Variants in GPR89B observed in about 807,000 individuals in gnomAD.
The protein encoded by GPR89B is golgi pH regulator B.
Under a neutral mutation model 52.4 loss-of-function variants are expected in GPR89B, and 25 were observed. The ratio of observed to expected loss-of-function variants is 0.48; its 90% CI spans 0.35 to 0.67. The LOEUF (loss-of-function observed/expected upper bound fraction) is 0.67. Among genes scored for constraint, GPR89B ranks in the 30% least tolerant of loss-of-function variants. The pLI is 0.01. For synonymous variants in GPR89B, 52 were observed against 151.2 expected (o/e 0.34, Z 4.81); for missense variants, 146 against 450.2 (o/e 0.32, Z 6.11).
intron 7 of GPR89B, among the ~76,000 whole-genome samples, chr1:147,966,322 A>G (rs1231567246): frequency 3.3e-5 from 5 of 151,500 alleles, no homozygotes; most frequent in Admixed American, 2.6e-4. Context: ...TAGCAGAGCC[A>G]GTCCTCAAAT....
chr1:147,999,403 T>A, the GPR89B span, among the ~76,000 whole-genome samples: 1 of 148,460 alleles, frequency 6.7e-6, no homozygotes. Flanking sequence ...GGTCAGGAGA[T>A]CGAGACCATC....
chr1:148,008,655 G>A, the GPR89B span, among the ~76,000 whole-genome samples: 1 of 152,172 alleles, frequency 6.6e-6, no homozygotes, highest in African/African-American at 2.4e-5. Context: ...ACTGAACACA[G>A]GTTAGTCTGC....
At chr1:147,944,188 A>G (rs1553249428) in intron 5 of GPR89B, 90 bp downstream of exon 5, 1 of 1,440,944 alleles carries the variant, frequency 6.9e-7, no homozygotes. Context: ...TTTCTTGGGG[A>G]AAAAATGTAT....
downstream of GPR89B, among the ~76,000 whole-genome samples, chr1:147,998,175 C>T (rs1659361117): frequency 6.8e-6 from 1 of 146,258 alleles, no homozygotes; most frequent in South Asian, 2.4e-4. Flanking sequence ...AATGGCTGCC[C>T]ACACGTGTCC....
intron 10 of GPR89B, among the ~76,000 whole-genome samples, chr1:147,980,085 CA>C (rs1359509482): frequency 2.0e-3 from 225 of 114,094 alleles, no homozygotes; most frequent in Admixed American, 4.5e-3. Context: ...GACTCTGTCT[CA>C]AAAAAAAAAA....
chr1:147,981,307 C>T (rs1658229994), intron 10 of GPR89B, among the ~76,000 whole-genome samples: 1 of 145,156 alleles, frequency 6.9e-6, no homozygotes, highest in Non-Finnish European at 1.5e-5. Context: ...ATTCTTTACC[C>T]CTCCCTCCCC....
At chr1:148,003,256 A>G in the GPR89B span, among the ~76,000 whole-genome samples, 1 of 152,148 alleles carries the variant, frequency 6.6e-6, no homozygotes, top group Non-Finnish European at 1.5e-5. Flanking sequence ...TTATGTATTT[A>G]CCTTCCCTGA....
intron 7 of GPR89B, among the ~76,000 whole-genome samples, chr1:147,959,030 A>G (rs1174320010): frequency 2.6e-5 from 4 of 152,288 alleles, no homozygotes; most frequent in Non-Finnish European, 5.9e-5. Context: ...TTTTTAATAA[A>G]AAAGAAAAAC....
intron 3 of GPR89B, among the ~76,000 whole-genome samples, chr1:147,940,165 A>AG (rs1654429736): frequency 6.6e-6 from 1 of 152,004 alleles, no homozygotes; most frequent in Admixed American, 6.6e-5. Flanking sequence ...GCACTTTGGG[A>AG]GGCCAAGGCG....
At chr1:147,937,367 C>G (rs1430165983) in intron 2 of GPR89B, among the ~76,000 whole-genome samples, 1 of 152,130 alleles carries the variant, frequency 6.6e-6, no homozygotes, top group African/African-American at 2.4e-5. Flanking sequence ...TGATGAGGGT[C>G]TGTGTCCCAC....
intron 12 of GPR89B, among the ~76,000 whole-genome samples, chr1:147,989,553 G>T (rs1173937004): frequency 2.0e-5 from 3 of 151,668 alleles, no homozygotes; most frequent in Non-Finnish European, 4.4e-5. Flanking sequence ...TTTACATTAG[G>T]TATATCTCCT....
At chr1:147,976,945 G>C (rs1371278048) in intron 10 of GPR89B, among the ~76,000 whole-genome samples, 5 of 151,684 alleles carry the variant, frequency 3.3e-5, no homozygotes, top group Admixed American at 3.3e-4. Context: ...TTTTCTTTAA[G>C]AATGTTGAGC....
intron 7 of GPR89B, among the ~76,000 whole-genome samples, chr1:147,960,450 T>C (rs1207283096): frequency 6.6e-6 from 1 of 152,028 alleles, no homozygotes; most frequent in East Asian, 1.9e-4. Flanking sequence ...ATGGAAACTT[T>C]TAAAAAACAA....
At chr1:147,994,282 A>T, downstream of GPR89B, 14 of 1,585,558 alleles carry the variant, frequency 8.8e-6, no homozygotes, top group South Asian at 1.5e-4. Flanking sequence ...TAAACAGCCA[A>T]AGCTATTACT....
At position 147,944,103 on chromosome 1, in the gene GPR89B, G is replaced by C. The variant is rs782572559; in HGVS notation, c.415+5G>C. 6 of 1,588,790 alleles carry C rather than the reference G, an allele frequency of 3.8e-6. No homozygotes were observed. The Admixed American group carries it at 1.2e-4, about 31-fold the overall frequency. ...CCATTCTCAGCCCAAAACATGGTGA[G>C]TATATATAGGAGGGCAGAGGAAGTG... is the stretch of plus-strand genomic sequence containing the variant. On this transcript the variant is annotated splice_donor_5th_base_variant and intron_variant, in intron 5 of 13. Transcript: ENST00000314163.
chr1:147,983,655 A>G (rs1267678584), intron 10 of GPR89B, among the ~76,000 whole-genome samples: 3 of 152,006 alleles, frequency 2.0e-5, no homozygotes, highest in Non-Finnish European at 2.9e-5. Flanking sequence ...TAGAATGGCA[A>G]TCATTAAAAA....
At chr1:147,987,372 T>C (rs1423822966) in intron 11 of GPR89B, among the ~76,000 whole-genome samples, 1 of 150,120 alleles carries the variant, frequency 6.7e-6, no homozygotes, top group African/African-American at 2.5e-5. Flanking sequence ...ATATAAAAAT[T>C]AGCTGGACAT....
intron 10 of GPR89B, among the ~76,000 whole-genome samples, chr1:147,978,873 C>T (rs1658035409): frequency 6.7e-6 from 1 of 149,904 alleles, no homozygotes; most frequent in Admixed American, 6.6e-5. Context: ...GTGGCTATCC[C>T]GGGAACTTGG....
At chr1:147,938,132 T>C (rs1207417878) in intron 2 of GPR89B, among the ~76,000 whole-genome samples, 1 of 152,152 alleles carries the variant, frequency 6.6e-6, no homozygotes, top group Non-Finnish European at 1.5e-5. Flanking sequence ...TGTTTTTATC[T>C]TAAGCTTTGG....
Sources: allele counts gnomAD v4.1 joint callset (sites outside exome capture counted in the v4.1 genomes callset), GRCh38; gene constraint gnomAD v4.1.1; transcripts MANE v1.5; gene names NCBI Gene and HGNC (gene_info 2026-07-23, HGNC 2026-07-21).